KSR2: variants seen among roughly 807,000 people sequenced by gnomAD.
KSR2 encodes kinase suppressor of ras 2.
Under a neutral mutation model 107.8 loss-of-function variants are expected in KSR2, and 25 were observed. The ratio of observed to expected loss-of-function variants is 0.23; its 90% CI spans 0.17 to 0.32. The LOEUF is 0.32. KSR2 is among the 10% of genes least tolerant of loss of function. The probability of loss-of-function intolerance (pLI) is 1.00; values close to 1 mark genes in which losing one functional copy is unlikely to be tolerated. For missense variants in KSR2, 887 were observed against 1,268.9 expected (o/e 0.70, Z 4.57); for synonymous variants, 480 against 507.0 (o/e 0.95, Z 0.71).
chr12:117,465,966 C>G lies in KSR2; in HGVS notation c.*1233G>C, dbSNP rs1871125997. ...ACATGGTCAGGAAGAGTCGCCGGCC[C>G]AGGTTGGGATCAAGAGGAGGGAGGG... On this transcript the variant is annotated 3_prime_UTR_variant, in exon 20 of 20. Transcript: ENST00000339824. 1 of 152,254 alleles carries G rather than the reference C, an allele frequency of 6.6e-6. No homozygotes were observed. The highest frequency in any genetic ancestry group is 2.4e-5 in the African/African-American group (1 of 41,404). 9.4% of individuals were successfully genotyped at this position (152,254 alleles called of 1,614,324 possible).
At chr12:117,663,434 T>A (rs757745734) in intron 5 of KSR2, among the ~76,000 whole-genome samples, 1 of 152,342 alleles carries the variant, frequency 6.6e-6, no homozygotes, top group Middle Eastern at 3.4e-3. Context: ...TGGAGCATTG[T>A]CAACACAATA....
intron 7 of KSR2, among the ~76,000 whole-genome samples, chr12:117,570,990 G>A (rs775653447): frequency 2.0e-5 from 3 of 152,208 alleles, no homozygotes; most frequent in Non-Finnish European, 4.4e-5. Context: ...AGGCACGGTG[G>A]CTCATGCCTG....
At chr12:117,527,034 C>T (rs959377967) in intron 13 of KSR2, 37 bp downstream of exon 13, 2 of 1,601,404 alleles carry the variant, frequency 1.2e-6, no homozygotes, top group Non-Finnish European at 1.7e-6. Context: ...CTGGGCAGTC[C>T]CTGGAAAATG....
At chr12:117,614,782 C>A (rs970453000) in intron 5 of KSR2, among the ~76,000 whole-genome samples, 4 of 152,200 alleles carry the variant, frequency 2.6e-5, no homozygotes, top group Non-Finnish European at 5.9e-5. Flanking sequence ...AAGTGTTTAA[C>A]TAATGTTTGT....
At chr12:117,605,374 G>A (rs1363698556) in intron 5 of KSR2, among the ~76,000 whole-genome samples, 1 of 151,010 alleles carries the variant, frequency 6.6e-6, no homozygotes, top group Non-Finnish European at 1.5e-5. Flanking sequence ...AATTAATTTT[G>A]TTCATTACAT....
intron 1 of KSR2, among the ~76,000 whole-genome samples, chr12:117,954,829 A>G (rs1397347090): frequency 2.6e-5 from 4 of 152,108 alleles, no homozygotes; most frequent in African/African-American, 9.7e-5. Flanking sequence ...CAGCCTGGCT[A>G]ACATGGTGAA....
chr12:117,757,906 C>A (rs1454357307), intron 4 of KSR2, among the ~76,000 whole-genome samples: 2 of 152,152 alleles, frequency 1.3e-5, no homozygotes, highest in Non-Finnish European at 2.9e-5. Flanking sequence ...ACCAAACTCA[C>A]AATATCTCTG....
rs1029194484 is a variant in KSR2, at chr12:117,705,953, TCAGA to T, written c.987-38299_987-38296del. 8.5e-5 allele frequency among the ~76,000 whole-genome samples: 13 copies of T among 152,096 alleles called. 1 individual carries two copies. The highest frequency in any genetic ancestry group is 2.9e-4 in the African/African-American group (12 of 41,484). ...TGGTGACACCTGCCTCACAAGCCGT[TCAGA>T]CAAAGTGAGGTGCTGACCATGGTGT... On this transcript the variant is annotated intron_variant, in intron 4 of 19. Coordinates refer to ENST00000339824, the MANE Select transcript of KSR2 (RefSeq NM_173598.6).
chr12:117,920,827 G>A (rs1267476547), intron 1 of KSR2, among the ~76,000 whole-genome samples: 4 of 152,120 alleles, frequency 2.6e-5, no homozygotes, highest in Non-Finnish European at 4.4e-5. Flanking sequence ...AGATGCAAGA[G>A]TTTCTGAATT....
intron 16 of KSR2, among the ~76,000 whole-genome samples, chr12:117,484,178 G>A (rs1068941): frequency 0.3 from 45,340 of 152,076 alleles, 7,296 homozygotes; most frequent in African/African-American, 0.43. Context: ...AGGTCTGGGG[G>A]TGCTCTGTGT....
At chr12:117,740,647 T>C (rs570816131) in intron 4 of KSR2, among the ~76,000 whole-genome samples, 1 of 129,508 alleles carries the variant, frequency 7.7e-6, no homozygotes, top group African/African-American at 2.7e-5. Flanking sequence ...ATACATATAT[T>C]ATATATGTAA....
intron 8 of KSR2, 134 bp downstream of exon 8, chr12:117,558,372 G>T (rs920395886): frequency 3.3e-5 from 22 of 662,948 alleles, no homozygotes; most frequent in Non-Finnish European, 5.7e-5. Flanking sequence ...GGGCGTCAGA[G>T]AGAAAGAAAC....
intron 4 of KSR2, among the ~76,000 whole-genome samples, chr12:117,681,858 G>A (rs1330368458): frequency 6.6e-6 from 1 of 152,062 alleles, no homozygotes; most frequent in Non-Finnish European, 1.5e-5. Flanking sequence ...AAGACAGTGT[G>A]GCAATTCCTC....
intron 4 of KSR2, among the ~76,000 whole-genome samples, chr12:117,750,266 AAAAG>A (rs1295398713): frequency 1.8e-3 from 268 of 151,152 alleles, no homozygotes; most frequent in African/African-American, 6.1e-3. Flanking sequence ...AAAAAAAAAA[AAAAG>A]AAGAACTTTC....
At chr12:117,934,606 AT>A (rs1222799967) in intron 1 of KSR2, among the ~76,000 whole-genome samples, 2 of 152,122 alleles carry the variant, frequency 1.3e-5, no homozygotes, top group Non-Finnish European at 2.9e-5. Flanking sequence ...AGAACTCCCC[AT>A]TTTTGTTGAA....
At chr12:117,798,709 C>CAAAAAA (rs749755380) in intron 3 of KSR2, among the ~76,000 whole-genome samples, 1 of 117,080 alleles carries the variant, frequency 8.5e-6, no homozygotes, top group African/African-American at 2.9e-5. Flanking sequence ...GCAAAAAGTC[C>CAAAAAA]AAAAAAAAAA....
chr12:117,874,938 C>A lies in KSR2; in HGVS notation c.181-14507G>T, dbSNP rs185489104. Reference sequence around the variant, plus strand: ...ACTGCCCAGGTGTAGAATGAGGTCCCCTGGGCCTGGGGTTAGAGGGATCAC... The same window carrying A: ...ACTGCCCAGGTGTAGAATGAGGTCCACTGGGCCTGGGGTTAGAGGGATCAC... On this transcript the variant is annotated intron_variant, in intron 1 of 19. Coordinates refer to ENST00000339824, the MANE Select transcript of KSR2 (RefSeq NM_173598.6). Among the ~76,000 whole-genome samples, 24 of 151,786 alleles carry A rather than the reference C, an allele frequency of 1.6e-4. No homozygotes were observed. In the East Asian group the frequency reaches 2.5e-3, roughly 16 times the overall value.
chr12:117,960,760 G>A (rs762773039), intron 1 of KSR2, among the ~76,000 whole-genome samples: 2 of 151,890 alleles, frequency 1.3e-5, no homozygotes, highest in Non-Finnish European at 2.9e-5. Context: ...ATTAGCTGTG[G>A]CAGAGACTAC....
chr12:117,480,669 G>A (rs1872122748), intron 16 of KSR2, among the ~76,000 whole-genome samples: 2 of 152,078 alleles, frequency 1.3e-5, no homozygotes, highest in African/African-American at 4.8e-5. Flanking sequence ...GGGGAGGGCA[G>A]GAAGGCAAGT....
Sources: gnomAD v4.1 joint callset for allele counts (sites outside exome capture counted in the v4.1 genomes callset) on GRCh38, gnomAD v4.1.1 for gene constraint, MANE v1.5 for transcripts, NCBI Gene and HGNC (gene_info 2026-07-23, HGNC 2026-07-21) for gene names.